MLLT3: variants seen among roughly 807,000 people sequenced by gnomAD.
MLLT3 encodes the protein protein AF-9.
In MLLT3, 4 loss-of-function variants were observed where a neutral mutation model predicts 53.2. The observed-to-expected ratio is 0.08, with a 90% confidence interval of 0.04 to 0.17. MLLT3 has a LOEUF of 0.17. MLLT3 is among the 10% of genes least tolerant of loss of function. The probability of loss-of-function intolerance (pLI) is 1.00; values close to 1 mark genes in which losing one functional copy is unlikely to be tolerated. For missense variants in MLLT3, 569 were observed against 684.0 expected, an observed-to-expected ratio of 0.83 and a Z score of 1.87; for synonymous variants, 283 against 230.6, an observed-to-expected ratio of 1.23 and a Z score of -2.06.
At chr9:20,364,499 G>C (rs907974621) in intron 6 of MLLT3, among the ~76,000 whole-genome samples, 2 of 152,030 alleles carry the variant, frequency 1.3e-5, no homozygotes, top group African/African-American at 4.8e-5. Context: ...ACTTTCATTC[G>C]GGATTAGGCA....
At chr9:20,427,778 A>G (rs1183766440) in intron 4 of MLLT3, among the ~76,000 whole-genome samples, 3 of 152,006 alleles carry the variant, frequency 2.0e-5, no homozygotes, top group South Asian at 2.1e-4. Context: ...CAGCTGTTAA[A>G]TTTTTAGGAA....
chr9:20,347,580 AC>A (rs1300286151), intron 10 of MLLT3, among the ~76,000 whole-genome samples: 1 of 152,186 alleles, frequency 6.6e-6, no homozygotes, highest in African/African-American at 2.4e-5. Context: ...AGATTCTTTT[AC>A]CATGTAAAGT....
intron 2 of MLLT3, among the ~76,000 whole-genome samples, chr9:20,592,607 G>A (rs947134122): frequency 6.6e-6 from 1 of 152,094 alleles, no homozygotes; most frequent in Non-Finnish European, 1.5e-5. Flanking sequence ...TTCAACATAC[G>A]AATTTGTGGT....
chr9:20,411,803 T>C (rs1050257510), intron 5 of MLLT3: 4 of 152,126 alleles, frequency 2.6e-5, no homozygotes, highest in Non-Finnish European at 4.4e-5. Flanking sequence ...AAAAGGAGAA[T>C]AAACAAAATT....
intron 2 of MLLT3, among the ~76,000 whole-genome samples, chr9:20,611,435 T>C (rs1490181190): frequency 6.6e-6 from 1 of 152,098 alleles, no homozygotes; most frequent in African/African-American, 2.4e-5. Context: ...ACAGAGCATT[T>C]TGCCTGGTAT....
intron 9 of MLLT3, among the ~76,000 whole-genome samples, chr9:20,354,125 T>C (rs1821105113): frequency 6.6e-6 from 1 of 152,204 alleles, no homozygotes; most frequent in Admixed American, 6.5e-5. Flanking sequence ...CAAACATTGC[T>C]AGTAAGCAAT....
chr9:20,432,483 G>A (rs1409974388), intron 4 of MLLT3, among the ~76,000 whole-genome samples: 1 of 152,034 alleles, frequency 6.6e-6, no homozygotes, highest in Non-Finnish European at 1.5e-5. Flanking sequence ...GCTGGTCAAA[G>A]GTGTACAAAC....
intron 2 of MLLT3, among the ~76,000 whole-genome samples, chr9:20,569,436 T>C (rs987983728): frequency 7.9e-5 from 12 of 151,998 alleles, no homozygotes; most frequent in African/African-American, 2.9e-4. Context: ...AAAACAGTTA[T>C]AGCAATAATA....
At chr9:20,445,165 G>A (rs1823662804) in intron 4 of MLLT3, among the ~76,000 whole-genome samples, 1 of 152,062 alleles carries the variant, frequency 6.6e-6, no homozygotes, top group Non-Finnish European at 1.5e-5. Context: ...CCCATGAGCT[G>A]TCTAATTTAG....
chr9:20,359,174 A>T (rs1268605806), intron 8 of MLLT3, among the ~76,000 whole-genome samples: 2 of 151,120 alleles, frequency 1.3e-5, no homozygotes, highest in African/African-American at 4.9e-5. Context: ...AAAAAAAAAA[A>T]ATCTCACCAA....
chr9:20,519,001 T>G (rs1817986831), intron 2 of MLLT3, among the ~76,000 whole-genome samples: 1 of 152,106 alleles, frequency 6.6e-6, no homozygotes, highest in Non-Finnish European at 1.5e-5. Flanking sequence ...ATGAGTTAAT[T>G]CTTCCTTCCT....
intron 2 of MLLT3, among the ~76,000 whole-genome samples, chr9:20,466,710 T>A (rs1236929449): frequency 6.6e-6 from 1 of 152,192 alleles, no homozygotes; most frequent in African/African-American, 2.4e-5. Context: ...TCTCTCATGG[T>A]CTCTGAATTG....
intron 5 of MLLT3, among the ~76,000 whole-genome samples, chr9:20,412,195 T>C (rs1031822531): frequency 6.6e-6 from 1 of 152,072 alleles, no homozygotes; most frequent in Non-Finnish European, 1.5e-5. Context: ...TTCAGGGTGA[T>C]TGGAAACAAA....
chr9:20,534,682 C>T (rs1015323875), intron 2 of MLLT3, among the ~76,000 whole-genome samples: 6 of 152,084 alleles, frequency 3.9e-5, no homozygotes, highest in Middle Eastern at 3.2e-3. Context: ...GTCAGGAGAT[C>T]GAGACCATCC....
At chr9:20,366,601 A>G (rs2118655242) in intron 5 of MLLT3, among the ~76,000 whole-genome samples, 1 of 152,202 alleles carries the variant, frequency 6.6e-6, no homozygotes, top group African/African-American at 2.4e-5. Context: ...CTGGTTCTAG[A>G]TCCTTGAGAA....
chr9:20,362,314 T>C (rs1378487461), intron 7 of MLLT3, among the ~76,000 whole-genome samples: 1 of 152,132 alleles, frequency 6.6e-6, no homozygotes, highest in Non-Finnish European at 1.5e-5. Context: ...AAATAACAAC[T>C]AGGGAAATCA....
intron 2 of MLLT3, among the ~76,000 whole-genome samples, chr9:20,543,542 C>T (rs539755490): frequency 2.6e-5 from 4 of 151,758 alleles, no homozygotes; most frequent in Non-Finnish European, 5.9e-5. Flanking sequence ...TTTGGGAGGC[C>T]AAGAAGGGAG....
At chr9:20,491,720 A>T (rs1272958206) in intron 2 of MLLT3, among the ~76,000 whole-genome samples, 1 of 152,142 alleles carries the variant, frequency 6.6e-6, no homozygotes, top group Non-Finnish European at 1.5e-5. Flanking sequence ...GAGAAATAAT[A>T]TTTGGGGAGA....
At chr9:20,390,339 T>C (rs1448803667) in intron 5 of MLLT3, among the ~76,000 whole-genome samples, 3 of 152,040 alleles carry the variant, frequency 2.0e-5, no homozygotes, top group African/African-American at 4.8e-5. Flanking sequence ...TGAGATCTAC[T>C]ACCGAAAAAG....
Sources: gnomAD v4.1 joint callset for allele counts (sites outside exome capture counted in the v4.1 genomes callset) on GRCh38, gnomAD v4.1.1 for gene constraint, MANE v1.5 for transcripts, NCBI Gene and HGNC (gene_info 2026-07-23, HGNC 2026-07-21) for gene names.